CERK: variants seen among roughly 807,000 people sequenced by gnomAD.
CERK encodes acylsphingosine kinase.
A neutral mutation model predicts 63.4 loss-of-function variants in CERK; 39 were observed. The ratio of observed to expected loss-of-function variants is 0.61; its 90% CI spans 0.48 to 0.80. The LOEUF (loss-of-function observed/expected upper bound fraction) is 0.80, where lower values mean the gene tolerates loss of function less well. CERK is among the 30% of genes least tolerant of loss of function. The probability of loss-of-function intolerance (pLI) is 0.00; values close to 1 mark genes in which losing one functional copy is unlikely to be tolerated. For synonymous variants in CERK, 302 were observed against 280.0 expected (o/e 1.08, Z -0.78); for missense variants, 670 against 714.1 (o/e 0.94, Z 0.70).
chr22:46,737,846 C>G (rs1294080735), intron 1 of CERK, among the ~76,000 whole-genome samples, 161 bp downstream of exon 1: 1 of 152,034 alleles, frequency 6.6e-6, no homozygotes, highest in Non-Finnish European at 1.5e-5. Context: ...CCCCGGCCTC[C>G]CTCCCGCCTG....
chr22:46,724,212 T>C (rs2082906709), intron 1 of CERK, among the ~76,000 whole-genome samples: 1 of 152,170 alleles, frequency 6.6e-6, no homozygotes, highest in Non-Finnish European at 1.5e-5. Flanking sequence ...TTTCTCTTCC[T>C]TATGGTTTTC....
intron 1 of CERK, among the ~76,000 whole-genome samples, chr22:46,726,822 A>C (rs1170640338): frequency 1.3e-5 from 2 of 151,650 alleles, no homozygotes; most frequent in East Asian, 3.9e-4. Flanking sequence ...TGGGTCTGAT[A>C]CACAGATGGA....
intron 1 of CERK, among the ~76,000 whole-genome samples, chr22:46,729,881 T>C (rs2082937001): frequency 6.6e-6 from 1 of 151,358 alleles, no homozygotes; most frequent in African/African-American, 2.4e-5. Context: ...CTACTAAAAA[T>C]ACAAAAAATT....
chr22:46,735,237 C>A (rs1041791273), intron 1 of CERK: 1 of 152,264 alleles, frequency 6.6e-6, no homozygotes, highest in East Asian at 1.9e-4. Flanking sequence ...TTCCTGTTTT[C>A]GTCCTGCCCT....
At position 46,691,702 on chromosome 22, in the gene CERK, C is replaced by T. The variant is rs749739248; in HGVS notation, c.1202G>A (p.Arg401His). The T allele has an allele frequency of 1.1e-5, 17 of 1,613,842 alleles. No homozygotes were observed. The South Asian group carries it at 1.2e-4, about 11-fold the overall frequency. The change falls in exon 11 of 13, where the codon CGC becomes CAC. Residue 401 changes from arginine (R) to histidine (H), a missense_variant. Arg to His is a conservative substitution (Grantham distance 29). Coordinates refer to ENST00000216264, the MANE Select transcript of CERK (RefSeq NM_022766.6). ...CGGGGAGAGGCCCCTGGGGCTCCGGCGACAAGCACAGGACATGTTTGTGGC... is the reference window on the plus strand; with the variant it reads ...CGGGGAGAGGCCCCTGGGGCTCCGGTGACAAGCACAGGACATGTTTGTGGC... ...INATNMSCAC[R>H]RSPRGLSPAA...
intron 9 of CERK, among the ~76,000 whole-genome samples, chr22:46,694,769 G>C (rs2082747790): frequency 6.6e-6 from 1 of 152,212 alleles, no homozygotes; most frequent in Admixed American, 6.5e-5. Flanking sequence ...GAGGGTGGCT[G>C]CTGAGAGTGC....
At chr22:46,718,454 G>A (rs754401224) in intron 3 of CERK, among the ~76,000 whole-genome samples, 2 of 152,204 alleles carry the variant, frequency 1.3e-5, no homozygotes, top group African/African-American at 4.8e-5. Context: ...AGTGCGGAAC[G>A]ACATGCAGAG....
At position 46,687,128 on chromosome 22, in the gene CERK, G is replaced by A. The variant is rs560127672; in HGVS notation, c.*6C>T. Reference sequence around the variant, plus strand: ...TTTCCCAGTTTGTGAGCAGGACGCCGGCTTCTCAGCTGTGTGAGTCTGGCT... The same window carrying A: ...TTTCCCAGTTTGTGAGCAGGACGCCAGCTTCTCAGCTGTGTGAGTCTGGCT... On this transcript the variant is annotated 3_prime_UTR_variant, in exon 13 of 13. Transcript: ENST00000216264. 5.4e-4 allele frequency: 871 copies of A among 1,613,546 alleles called. 14 individuals are homozygous for A. In the South Asian group the frequency reaches 8.9e-3, roughly 17 times the overall value.
intron 10 of CERK, 137 bp downstream of exon 10, chr22:46,693,290 A>AT: frequency 1.4e-6 from 1 of 696,302 alleles, no homozygotes; most frequent in Non-Finnish European, 2.6e-6. Flanking sequence ...GGCTAAGAAG[A>AT]AATGGATGCC....
intron 7 of CERK, among the ~76,000 whole-genome samples, chr22:46,699,684 G>A (rs902813519): frequency 1.3e-5 from 2 of 152,190 alleles, no homozygotes; most frequent in African/African-American, 2.4e-5. Flanking sequence ...AAACAGGCTC[G>A]GGGAGCTATC....
At chr22:46,711,249 C>T in intron 4 of CERK, 100 bp from the exon 5 acceptor site, 1 of 855,614 alleles carries the variant, frequency 1.2e-6, no homozygotes. Flanking sequence ...CCTGTAACAC[C>T]TTCAGGCGGA....
chr22:46,702,827 CA>C (rs937915339), intron 6 of CERK, among the ~76,000 whole-genome samples: 7 of 152,192 alleles, frequency 4.6e-5, no homozygotes, highest in Non-Finnish European at 1.0e-4. Context: ...GGACCATGCT[CA>C]AAAGAATGAT....
chr22:46,693,278 G>A (rs1415316570), intron 10 of CERK, 149 bp downstream of exon 10: 13 of 646,138 alleles, frequency 2.0e-5, no homozygotes, highest in African/African-American at 3.7e-5. Flanking sequence ...GACGCTGCCT[G>A]GGGCTAAGAA....
chr22:46,707,452 A>C (rs1288276667), intron 6 of CERK, among the ~76,000 whole-genome samples: 6 of 151,794 alleles, frequency 4.0e-5, no homozygotes, highest in African/African-American at 1.2e-4. Context: ...CCAACTCCCC[A>C]GCCCGATTCC....
At chr22:46,718,587 C>T (rs1314680152) in intron 3 of CERK, among the ~76,000 whole-genome samples, 1 of 152,172 alleles carries the variant, frequency 6.6e-6, no homozygotes, top group Non-Finnish European at 1.5e-5. Flanking sequence ...GGCCCTCCTG[C>T]CCCAGTTGTA....
At position 46,689,130 on chromosome 22, in the gene CERK, C is replaced by T. The variant is rs142371686; in HGVS notation, c.1541+862G>A. On this transcript the variant is annotated intron_variant, in intron 12 of 12. Coordinates refer to ENST00000216264, the MANE Select transcript of CERK (RefSeq NM_022766.6). ...ACCTGCCCCAGGGAGACCGAACATC[C>T]GTGTGTGGCCACACCTGCCTCCCCG... 1.7e-3 allele frequency among the ~76,000 whole-genome samples: 266 copies of T among 152,362 alleles called. 2 individuals are homozygous for T. Among genetic ancestry groups the T allele is most frequent in the African/African-American group, 6.0e-3 (248 of 41,582 alleles).
intron 3 of CERK, among the ~76,000 whole-genome samples, chr22:46,719,498 C>G (rs2082881803): frequency 6.6e-6 from 1 of 152,016 alleles, no homozygotes; most frequent in Non-Finnish European, 1.5e-5. Context: ...TTGGTAAAAC[C>G]CCATCTCTAC....
At chr22:46,731,354 C>T (rs992458102) in intron 1 of CERK, among the ~76,000 whole-genome samples, 3 of 152,226 alleles carry the variant, frequency 2.0e-5, no homozygotes, top group Admixed American at 6.5e-5. Context: ...CTCCACCCCC[C>T]GCCAAGGTGG....
intron 1 of CERK, among the ~76,000 whole-genome samples, chr22:46,728,521 T>C (rs1430544924): frequency 6.6e-6 from 1 of 152,144 alleles, no homozygotes. Context: ...CAGAGGGCTA[T>C]GAGGATCCCA....
Sources: gnomAD v4.1 joint callset for allele counts (sites outside exome capture counted in the v4.1 genomes callset) on GRCh38, gnomAD v4.1.1 for gene constraint, MANE v1.5 for transcripts, NCBI Gene and HGNC (gene_info 2026-07-23, HGNC 2026-07-21) for gene names.